Variants in JPH3 observed in about 807,000 individuals in gnomAD.
JPH3 encodes the protein junctophilin 3.
Under a neutral mutation model 59.6 loss-of-function variants are expected in JPH3, and 11 were observed. The observed-to-expected ratio is 0.18, with a 90% CI of 0.12 to 0.31. JPH3 has a LOEUF of 0.31. JPH3 is among the 10% of genes least tolerant of loss of function. JPH3 has a pLI of 1.00. For synonymous variants in JPH3, 673 were observed against 483.6 expected (o/e 1.39, Z -5.14); for missense variants, 1,202 against 1,105.7 (o/e 1.09, Z -1.24).
intron 1 of JPH3, among the ~76,000 whole-genome samples, chr16:87,616,059 G>A (rs368437004): frequency 1.8e-4 from 28 of 152,180 alleles, no homozygotes; most frequent in Non-Finnish European, 3.4e-4. Context: ...TGTGGCTGCC[G>A]CAGTTGGGAG....
At chr16:87,619,327 A>AG (rs1052128208) in intron 1 of JPH3, among the ~76,000 whole-genome samples, 18 of 150,894 alleles carry the variant, frequency 1.2e-4, no homozygotes, top group African/African-American at 4.1e-4. Context: ...AAAAAAAAAA[A>AG]AAGAAGGATT....
At position 87,602,661 on chromosome 16, in the gene JPH3, GCCGCCGCCGCCCGCGGGCC is replaced by G. The variant is rs1253243599; in HGVS notation, c.-473_-455del. On this transcript the variant is annotated 5_prime_UTR_variant, in exon 1 of 5. The change abolishes the stop of an existing upstream ORF in the 5' untranslated region. Transcript: ENST00000284262. Reference sequence around the variant, plus strand: ...AGCCGCCAGCGCCGCCGCCCGTGCCGCCGCCGCCGCCCGCGGGCCCCGCCGCCGCCCTCGGGCGCCCGCA... The same window carrying G: ...AGCCGCCAGCGCCGCCGCCCGTGCCGCCGCCGCCGCCCTCGGGCGCCCGCA... Among the ~76,000 whole-genome samples, 1 of 130,412 alleles carries G rather than the reference GCCGCCGCCGCCCGCGGGCC, an allele frequency of 7.7e-6. No individual in the cohort carries two copies. Among genetic ancestry groups the G allele is most frequent in the Non-Finnish European group, 1.7e-5 (1 of 60,584 alleles). 85.6% of individuals were successfully genotyped at this position (130,412 alleles called of 152,430 possible). A position where few individuals can be genotyped will look rare whatever the true frequency, so the allele number is the denominator to read the frequency against.
chr16:87,608,050 G>A lies in JPH3; in HGVS notation c.382+4522G>A, dbSNP rs370007708. On this transcript the variant is annotated intron_variant, in intron 1 of 4. Transcript: ENST00000284262. The stretch of plus-strand genomic sequence containing the variant: ...CGTGAGGCCGTTTGATGGGCTTTGT[G>A]TGAGGAATCCTGAGATGAGCTGGCC... 1.2e-4 allele frequency among the ~76,000 whole-genome samples: 19 copies of A among 152,384 alleles called. No homozygotes were observed. The East Asian group carries it at 2.7e-3, about 22-fold the overall frequency.
intron 1 of JPH3, among the ~76,000 whole-genome samples, chr16:87,635,387 G>A (rs1313922887): frequency 1.3e-5 from 2 of 152,178 alleles, no homozygotes; most frequent in African/African-American, 4.8e-5. Flanking sequence ...AAAGAAACAA[G>A]GGTGTGAGAT....
intron 1 of JPH3, among the ~76,000 whole-genome samples, chr16:87,643,541 C>G (rs2032026578): frequency 6.6e-6 from 1 of 152,220 alleles, no homozygotes; most frequent in Non-Finnish European, 1.5e-5. Flanking sequence ...CCCAGAGCAG[C>G]CCATTCAGGG....
At chr16:87,637,041 C>T (rs920830331) in intron 1 of JPH3, among the ~76,000 whole-genome samples, 22 of 152,232 alleles carry the variant, frequency 1.4e-4, no homozygotes, top group Non-Finnish European at 2.5e-4. Flanking sequence ...CGGGAGTTTG[C>T]TGCGAGATCC....
intron 1 of JPH3, among the ~76,000 whole-genome samples, chr16:87,619,887 C>T (rs1196405096): frequency 6.6e-6 from 1 of 152,090 alleles, no homozygotes; most frequent in South Asian, 2.1e-4. Flanking sequence ...GGGAGTGAGG[C>T]TGGTGAGCGG....
chr16:87,613,817 C>T (rs540044330), intron 1 of JPH3, among the ~76,000 whole-genome samples: 38 of 152,266 alleles, frequency 2.5e-4, no homozygotes, highest in Middle Eastern at 3.4e-3. Context: ...TTATCATAGA[C>T]GTTATATCTT....
chr16:87,608,648 A>G (rs908031145), intron 1 of JPH3, among the ~76,000 whole-genome samples: 1 of 152,144 alleles, frequency 6.6e-6, no homozygotes, highest in African/African-American at 2.4e-5. Context: ...GGCTGGACTC[A>G]CTTTCGCTCT....
At position 87,614,881 on chromosome 16, in the gene JPH3, C is replaced by T. The variant is rs8059853; in HGVS notation, c.382+11353C>T. 8.9e-5 allele frequency among the ~76,000 whole-genome samples: 10 copies of T among 112,872 alleles called. No homozygotes were observed. In the South Asian group the frequency reaches 1.6e-3, roughly 18 times the overall value. 74.0% of individuals were successfully genotyped at this position (112,872 alleles called of 152,430 possible). A position where few individuals can be genotyped will look rare whatever the true frequency, so the allele number is the denominator to read the frequency against. ...GCTGGTCCCTGCACACACGAGGAGCCGCGCGTCCCCTCCCGGGATAAACGC... is the reference window on the plus strand; with the variant it reads ...GCTGGTCCCTGCACACACGAGGAGCTGCGCGTCCCCTCCCGGGATAAACGC... On this transcript the variant is annotated intron_variant, in intron 1 of 4. Transcript: ENST00000284262.
chr16:87,604,629 C>T lies in JPH3; in HGVS notation c.382+1101C>T, dbSNP rs1390357430. The T allele has an allele frequency of 9.1e-5, 109 of 1,194,974 alleles. No homozygotes were observed. The East Asian group carries it at 1.4e-3, about 15-fold the overall frequency. 74.0% of individuals were successfully genotyped at this position (1,194,974 alleles called of 1,614,324 possible). A position where few individuals can be genotyped will look rare whatever the true frequency, so the allele number is the denominator to read the frequency against. On this transcript the variant is annotated intron_variant, in intron 1 of 4. Coordinates refer to ENST00000284262, the MANE Select transcript of JPH3 (RefSeq NM_020655.4). The stretch of plus-strand genomic sequence containing the variant: ...GCCGAGAATAAAAATCCTGAGCGTA[C>T]GTGTGCTCTAGTCCTCCCCGCCCGC...
intron 1 of JPH3, among the ~76,000 whole-genome samples, chr16:87,624,711 G>A (rs2031308630): frequency 6.6e-6 from 1 of 152,228 alleles, no homozygotes; most frequent in African/African-American, 2.4e-5. Flanking sequence ...GGTGGAGATT[G>A]TGGGGTGGCC....
intron 4 of JPH3, among the ~76,000 whole-genome samples, chr16:87,692,126 C>A (rs2033602036): frequency 6.6e-6 from 1 of 152,148 alleles, no homozygotes; most frequent in South Asian, 2.1e-4. Context: ...GTCCCACCCA[C>A]CCTGGAGGAT....
chr16:87,666,781 C>A (rs991005128), intron 2 of JPH3, among the ~76,000 whole-genome samples: 4 of 152,152 alleles, frequency 2.6e-5, no homozygotes, highest in Admixed American at 1.3e-4. Context: ...TTTAGCTGTC[C>A]CTGTACCCTT....
chr16:87,640,295 C>T (rs189562257), intron 1 of JPH3, among the ~76,000 whole-genome samples: 8 of 151,068 alleles, frequency 5.3e-5, no homozygotes, highest in Admixed American at 5.3e-4. Context: ...CGCTACTGCA[C>T]TCTAGCCTGG....
At position 87,696,792 on chromosome 16, in the gene JPH3, C is replaced by T. The variant is rs2033880012; in HGVS notation, c.*132C>T. On this transcript the variant is annotated 3_prime_UTR_variant, in exon 5 of 5. Transcript: ENST00000284262. The stretch of plus-strand genomic sequence containing the variant: ...CTTCCAAGTCCTCTCACAGAAGAAC[C>T]ACACGATTGGGTATCACTCACAGTT... 1 of 726,656 alleles carries T rather than the reference C, an allele frequency of 1.4e-6. No homozygotes were observed. The highest frequency in any genetic ancestry group is 2.7e-5 in the East Asian group (1 of 37,504). The allele number at this position is 726,656 out of a possible 1,614,324, so 45.0% of individuals were successfully genotyped here. A position where few individuals can be genotyped will look rare whatever the true frequency, so the allele number is the denominator to read the frequency against.
At chr16:87,644,206 G>C in intron 1 of JPH3, 52 bp from the exon 2 acceptor site, 2 of 1,542,026 alleles carry the variant, frequency 1.3e-6, no homozygotes, top group Non-Finnish European at 1.8e-6. Flanking sequence ...TGGCCAGGCT[G>C]TGCCCCCTCC....
At chr16:87,647,804 C>G (rs565524809) in intron 2 of JPH3, among the ~76,000 whole-genome samples, 1 of 152,350 alleles carries the variant, frequency 6.6e-6, no homozygotes, top group South Asian at 2.1e-4. Flanking sequence ...AGGTGGAGGT[C>G]TCCAGGTCAC....
intron 1 of JPH3, among the ~76,000 whole-genome samples, chr16:87,610,185 G>A (rs2030679350): frequency 6.6e-6 from 1 of 152,194 alleles, no homozygotes; most frequent in African/African-American, 2.4e-5. Context: ...GTTGGAGAGC[G>A]GCTGTAAATA....
Sources: allele counts gnomAD v4.1 joint callset (sites outside exome capture counted in the v4.1 genomes callset), GRCh38; gene constraint gnomAD v4.1.1; transcripts MANE v1.5; gene names NCBI Gene and HGNC (gene_info 2026-07-23, HGNC 2026-07-21).